The following PCDH7 variants were observed in gnomAD, a reference collection of about 807,000 sequenced individuals.
PCDH7 encodes protocadherin-7.
PCDH7 carries 17 observed loss-of-function variants against 58.9 expected under a neutral mutation model. The ratio of observed to expected loss-of-function variants is 0.29; its 90% CI spans 0.20 to 0.43. The LOEUF (loss-of-function observed/expected upper bound fraction) is 0.43, where lower values mean the gene tolerates loss of function less well. Among genes scored for constraint, PCDH7 ranks in the 20% least tolerant of loss-of-function variants. The pLI is 1.00. For synonymous variants in PCDH7, 664 were observed against 616.4 expected (o/e 1.08, Z -1.14); for missense variants, 1,274 against 1,441.0 (o/e 0.88, Z 1.88).
chr4:30,825,075 T>C (rs1728932031), intron 1 of PCDH7, among the ~76,000 whole-genome samples: 1 of 152,122 alleles, frequency 6.6e-6, no homozygotes, highest in South Asian at 2.1e-4. Flanking sequence ...CCCATACCAT[T>C]TATTTTAAGG....
intron 1 of PCDH7, among the ~76,000 whole-genome samples, chr4:30,878,180 A>G (rs1319877818): frequency 6.6e-6 from 1 of 152,048 alleles, no homozygotes; most frequent in East Asian, 1.9e-4. Context: ...GGTTGACTCT[A>G]TGATTTTAGG....
chr4:30,841,235 CA>C (rs1731174804), intron 1 of PCDH7, among the ~76,000 whole-genome samples: 5 of 151,848 alleles, frequency 3.3e-5, no homozygotes. Flanking sequence ...CAAAGAAAGA[CA>C]ATGAAAAAAA....
intron 3 of PCDH7, among the ~76,000 whole-genome samples, chr4:31,088,825 TC>T: frequency 6.6e-6 from 1 of 152,178 alleles, no homozygotes. Context: ...TAACCGTAAT[TC>T]TTTTCACCTA....
intron 1 of PCDH7, among the ~76,000 whole-genome samples, chr4:30,824,119 C>A (rs562907543): frequency 6.9e-6 from 1 of 144,258 alleles, no homozygotes; most frequent in Non-Finnish European, 1.5e-5. Flanking sequence ...TTCTTTCTTT[C>A]TTTCTTTCTT....
intron 3 of PCDH7, among the ~76,000 whole-genome samples, chr4:31,009,514 T>C (rs1321427636): frequency 1.3e-5 from 2 of 152,012 alleles, no homozygotes; most frequent in African/African-American, 4.8e-5. Context: ...ACCAACACTG[T>C]GGTAGCAAGT....
chr4:31,111,584 G>C (rs1716327351), intron 3 of PCDH7, among the ~76,000 whole-genome samples: 1 of 151,980 alleles, frequency 6.6e-6, no homozygotes, highest in South Asian at 2.1e-4. Flanking sequence ...ATTTTCATGT[G>C]TGGATATAAT....
chr4:30,842,130 G>A (rs895301838), intron 1 of PCDH7, among the ~76,000 whole-genome samples: 14 of 152,080 alleles, frequency 9.2e-5, no homozygotes, highest in African/African-American at 3.4e-4. Context: ...TTCCACCTCT[G>A]CTCTTAGTAT....
At chr4:31,093,847 T>C (rs1713591634) in intron 3 of PCDH7, among the ~76,000 whole-genome samples, 1 of 152,118 alleles carries the variant, frequency 6.6e-6, no homozygotes, top group Non-Finnish European at 1.5e-5. Flanking sequence ...AAGCCTACTG[T>C]AAATAAAATA....
chr4:30,948,342 T>G (rs1746964580), intron 2 of PCDH7, among the ~76,000 whole-genome samples: 2 of 151,888 alleles, frequency 1.3e-5, no homozygotes, highest in Admixed American at 1.3e-4. Flanking sequence ...GGCCACAAAT[T>G]AAGAGCATGT....
chr4:30,954,524 C>A (rs1315213067), intron 3 of PCDH7, among the ~76,000 whole-genome samples: 6 of 152,064 alleles, frequency 3.9e-5, no homozygotes, highest in Non-Finnish European at 1.5e-5. Flanking sequence ...ATTAGATTAT[C>A]TATAAGATTC....
chr4:30,779,987 T>C (rs935054633), intron 1 of PCDH7, among the ~76,000 whole-genome samples: 6 of 152,330 alleles, frequency 3.9e-5, no homozygotes, highest in Non-Finnish European at 8.8e-5. Flanking sequence ...TGGCCGGTAT[T>C]ATGGCCTGAA....
At chr4:31,029,123 T>C (rs1207801239) in intron 3 of PCDH7, among the ~76,000 whole-genome samples, 1 of 152,246 alleles carries the variant, frequency 6.6e-6, no homozygotes, top group Admixed American at 6.5e-5. Context: ...TTTCTTTGAT[T>C]TTGAAATGCC....
At chr4:30,965,840 A>G (rs558171838) in intron 3 of PCDH7, among the ~76,000 whole-genome samples, 2 of 152,024 alleles carry the variant, frequency 1.3e-5, no homozygotes, top group Non-Finnish European at 2.9e-5. Context: ...TTATTTTTTT[A>G]AAAAAGTAGC....
intron 1 of PCDH7, among the ~76,000 whole-genome samples, chr4:30,817,790 A>G (rs1003971683): frequency 6.6e-6 from 1 of 152,090 alleles, no homozygotes; most frequent in Non-Finnish European, 1.5e-5. Context: ...AAAGACTCCA[A>G]ATTGGTCTCC....
chr4:30,845,854 A>G (rs1167367409), intron 1 of PCDH7, among the ~76,000 whole-genome samples: 1 of 151,994 alleles, frequency 6.6e-6, no homozygotes, highest in Admixed American at 6.6e-5. Flanking sequence ...CTGCCTCCCA[A>G]AGTGTTGGGA....
chr4:30,992,492 T>A (rs1272050589), intron 3 of PCDH7, among the ~76,000 whole-genome samples: 1 of 152,126 alleles, frequency 6.6e-6, no homozygotes, highest in Non-Finnish European at 1.5e-5. Flanking sequence ...ATAAATGTAA[T>A]GTAATGATGC....
At chr4:30,824,123 CTTT>C (rs1728772370) in intron 1 of PCDH7, among the ~76,000 whole-genome samples, 2 of 144,592 alleles carry the variant, frequency 1.4e-5, no homozygotes, top group Non-Finnish European at 3.0e-5. Context: ...TTCTTTCTTT[CTTT>C]CTTTCTTTCT....
chr4:30,772,159 C>T (rs145448975), intron 1 of PCDH7, among the ~76,000 whole-genome samples: 36 of 152,266 alleles, frequency 2.4e-4, no homozygotes, highest in African/African-American at 4.8e-4. Context: ...CGTGAGCCAC[C>T]GCTCTCAGCT....
chr4:31,133,544 T>C (rs1719231778), intron 3 of PCDH7, among the ~76,000 whole-genome samples: 1 of 152,194 alleles, frequency 6.6e-6, no homozygotes. Flanking sequence ...TCTTTATCTA[T>C]ATCAGTGAAT....
Sources: gnomAD v4.1 joint callset for allele counts (sites outside exome capture counted in the v4.1 genomes callset) on GRCh38, gnomAD v4.1.1 for gene constraint, MANE v1.5 for transcripts, NCBI Gene and HGNC (gene_info 2026-07-23, HGNC 2026-07-21) for gene names.